Variants in SETBP1 observed in about 807,000 individuals in gnomAD.
SETBP1 encodes SET binding protein 1, also known as SET-binding protein.
A neutral mutation model predicts 101.0 loss-of-function variants in SETBP1; 9 were observed. That is an observed-to-expected ratio of 0.09 (90% confidence interval 0.05 to 0.16). The LOEUF (loss-of-function observed/expected upper bound fraction) is 0.16, where lower values mean the gene tolerates loss of function less well. Ranked by LOEUF, SETBP1 falls within the 10% of genes least tolerant of loss-of-function variation. The pLI is 1.00. For synonymous variants in SETBP1, 818 were observed against 788.5 expected (o/e 1.04, Z -0.63); for missense variants, 1,858 against 2,033.8 (o/e 0.91, Z 1.66).
At position 44,833,287 on chromosome 18, in the gene SETBP1, G is replaced by T. The variant is rs1330278527; in HGVS notation, c.487-35943G>T. ...TTTTAGAATGTTGGAAGCAGCAGTT[G>T]TGTTTAAGGTGGAAAGATCTTTCTG... is the stretch of plus-strand genomic sequence containing the variant. On this transcript the variant is annotated intron_variant, in intron 2 of 5. Transcript: ENST00000649279. Among the ~76,000 whole-genome samples the T allele has an allele frequency of 7.9e-5, 12 of 152,338 alleles. No homozygotes were observed. In the East Asian group the frequency reaches 1.3e-3, roughly 17 times the overall value.
intron 2 of SETBP1, among the ~76,000 whole-genome samples, chr18:44,720,039 A>G (rs963424001): frequency 1.3e-5 from 2 of 152,158 alleles, no homozygotes; most frequent in Admixed American, 6.5e-5. Context: ...GGTGGCGCGC[A>G]TTGGTTTGCA....
At chr18:44,743,624 C>T (rs551615190) in intron 2 of SETBP1, among the ~76,000 whole-genome samples, 1 of 152,266 alleles carries the variant, frequency 6.6e-6, no homozygotes, top group South Asian at 2.1e-4. Flanking sequence ...GGATCAATTC[C>T]AGGAGAGAGA....
chr18:45,033,516 A>G (rs2073339064), intron 4 of SETBP1, among the ~76,000 whole-genome samples: 2 of 152,238 alleles, frequency 1.3e-5, no homozygotes, highest in African/African-American at 4.8e-5. Context: ...CTATGCCAAA[A>G]TCTGTCTTCT....
intron 5 of SETBP1, among the ~76,000 whole-genome samples, chr18:45,062,542 C>G (rs2073906173): frequency 6.6e-6 from 1 of 152,182 alleles, no homozygotes. Flanking sequence ...TATCCTTGAT[C>G]AGGCCAAGGC....
chr18:44,783,572 G>A (rs1035094854), intron 2 of SETBP1, among the ~76,000 whole-genome samples: 8 of 152,236 alleles, frequency 5.3e-5, no homozygotes, highest in Admixed American at 5.2e-4. Context: ...CAGTAGTGCA[G>A]AGTCAATGAC....
chr18:44,748,452 A>T (rs2070309790), intron 2 of SETBP1, among the ~76,000 whole-genome samples: 2 of 152,244 alleles, frequency 1.3e-5, no homozygotes, highest in South Asian at 4.1e-4. Context: ...AGAGCAGAAC[A>T]TGATAGTTTT....
intron 2 of SETBP1, among the ~76,000 whole-genome samples, chr18:44,707,435 T>C (rs1599014586): frequency 1.3e-5 from 2 of 152,372 alleles, no homozygotes; most frequent in East Asian, 1.9e-4. Context: ...TCTTTGGATT[T>C]AATTTTTCCT....
At chr18:44,836,691 C>T (rs754565326) in intron 2 of SETBP1, among the ~76,000 whole-genome samples, 2 of 152,198 alleles carry the variant, frequency 1.3e-5, no homozygotes, top group Non-Finnish European at 2.9e-5. Flanking sequence ...ATATAATTGT[C>T]TATTTGGCAG....
intron 5 of SETBP1, among the ~76,000 whole-genome samples, chr18:45,062,623 C>A (rs963788859): frequency 6.6e-6 from 1 of 152,102 alleles, no homozygotes; most frequent in Non-Finnish European, 1.5e-5. Context: ...TCATCTAACA[C>A]CTACAAAAAG....
chr18:45,036,332 C>CAAAAA (rs370732298), intron 4 of SETBP1, among the ~76,000 whole-genome samples: 1 of 97,284 alleles, frequency 1.0e-5, no homozygotes, highest in African/African-American at 3.5e-5. Context: ...GACTCTGTCT[C>CAAAAA]AAAAAAAAAA....
intron 4 of SETBP1, among the ~76,000 whole-genome samples, chr18:45,009,029 C>T (rs1035884860): frequency 3.9e-5 from 6 of 152,212 alleles, no homozygotes; most frequent in African/African-American, 9.6e-5. Flanking sequence ...CAATTGCCAC[C>T]GTGTGCTGTG....
chr18:44,787,670 A>T, intron 2 of SETBP1, among the ~76,000 whole-genome samples: 1 of 148,488 alleles, frequency 6.7e-6, no homozygotes. Context: ...CTGGCTAACA[A>T]GGTGAAGCCC....
intron 2 of SETBP1, among the ~76,000 whole-genome samples, chr18:44,721,700 A>G (rs1037849168): frequency 6.6e-6 from 1 of 152,130 alleles, no homozygotes; most frequent in Non-Finnish European, 1.5e-5. Flanking sequence ...TTTAAATATG[A>G]CCCATTCACA....
At chr18:44,934,974 A>G (rs1399841769) in intron 3 of SETBP1, among the ~76,000 whole-genome samples, 9 of 152,214 alleles carry the variant, frequency 5.9e-5, no homozygotes, top group Non-Finnish European at 1.5e-5. Context: ...ATGGGTTGAC[A>G]TGGGGACCCA....
At chr18:44,860,432 G>T (rs1367909944) in intron 2 of SETBP1, among the ~76,000 whole-genome samples, 3 of 152,188 alleles carry the variant, frequency 2.0e-5, no homozygotes, top group African/African-American at 7.2e-5. Flanking sequence ...CAGAACTTCA[G>T]ATGAAGACAG....
At chr18:44,916,528 A>G (rs1186199955) in intron 3 of SETBP1, among the ~76,000 whole-genome samples, 1 of 152,138 alleles carries the variant, frequency 6.6e-6, no homozygotes, top group Admixed American at 6.5e-5. Flanking sequence ...AATTTGTGTA[A>G]ATATTGCTAC....
At chr18:45,047,908 A>G (rs2073644205) in intron 5 of SETBP1, among the ~76,000 whole-genome samples, 1 of 152,208 alleles carries the variant, frequency 6.6e-6, no homozygotes, top group Non-Finnish European at 1.5e-5. Context: ...TCTCCCTGGG[A>G]GACACTGGAG....
intron 3 of SETBP1, among the ~76,000 whole-genome samples, chr18:44,926,507 C>A (rs1165560541): frequency 1.3e-5 from 2 of 152,136 alleles, no homozygotes; most frequent in Non-Finnish European, 1.5e-5. Flanking sequence ...CTCAGGGGCC[C>A]TCCCAGCTTC....
chr18:44,930,424 T>C (rs2070802902), intron 3 of SETBP1, among the ~76,000 whole-genome samples: 1 of 152,164 alleles, frequency 6.6e-6, no homozygotes, highest in Non-Finnish European at 1.5e-5. Flanking sequence ...CTGCCAGGCT[T>C]TGGTATCAGG....
Sources: gnomAD v4.1 joint callset for allele counts (sites outside exome capture counted in the v4.1 genomes callset) on GRCh38, gnomAD v4.1.1 for gene constraint, MANE v1.5 for transcripts, NCBI Gene and HGNC (gene_info 2026-07-23, HGNC 2026-07-21) for gene names.